NCKAP5: variants seen among roughly 807,000 people sequenced by gnomAD.
The protein encoded by NCKAP5 is nck-associated protein 5.
In NCKAP5, 92 loss-of-function variants were observed where a neutral mutation model predicts 167.0. The ratio of observed to expected loss-of-function variants is 0.55; its 90% CI spans 0.47 to 0.66. The LOEUF (loss-of-function observed/expected upper bound fraction) is 0.66. Among genes scored for constraint, NCKAP5 ranks in the 30% least tolerant of loss-of-function variants. The pLI, the probability that NCKAP5 is intolerant of heterozygous loss-of-function variation, is 0.00. For synonymous variants in NCKAP5, 891 were observed against 877.4 expected (o/e 1.02, Z -0.27); for missense variants, 2,378 against 2,315.0 (o/e 1.03, Z -0.56).
At chr2:133,656,849 G>A in the NCKAP5 span, among the ~76,000 whole-genome samples, 1 of 152,042 alleles carries the variant, frequency 6.6e-6, no homozygotes, top group South Asian at 2.1e-4. Context: ...GTGGTGATTT[G>A]TGAGATTTTG....
At chr2:133,064,153 T>C (rs78119288) in intron 6 of NCKAP5, among the ~76,000 whole-genome samples, 1 of 152,204 alleles carries the variant, frequency 6.6e-6, no homozygotes, top group Non-Finnish European at 1.5e-5. Context: ...TCACACCATC[T>C]TTGTCTTGGC....
At chr2:132,971,256 G>C (rs938143469) in intron 7 of NCKAP5, among the ~76,000 whole-genome samples, 1 of 152,104 alleles carries the variant, frequency 6.6e-6, no homozygotes, top group African/African-American at 2.4e-5. Flanking sequence ...ATGAGAGGTT[G>C]GGAGAGGTTT....
At chr2:132,920,731 A>ATGTATATATATG (rs1695293445) in intron 8 of NCKAP5, among the ~76,000 whole-genome samples, 1 of 94,164 alleles carries the variant, frequency 1.1e-5, no homozygotes, top group African/African-American at 5.3e-5. Context: ...ATATATATAT[A>ATGTATATATATG]TGTATATATA....
intron 4 of NCKAP5, among the ~76,000 whole-genome samples, chr2:133,291,431 C>A (rs959873756): frequency 6.6e-6 from 1 of 151,996 alleles, no homozygotes; most frequent in Admixed American, 6.6e-5. Flanking sequence ...GGAGATGGGG[C>A]GGGAGGAAAG....
At position 133,058,953 on chromosome 2, in the gene NCKAP5, C is replaced by T. The variant is rs536008077; in HGVS notation, c.342-64714G>A. ...TGCTCAAGTTTCAGCAACCACCAACCTGATCAATCAGCAGCCATCAACACT... is the reference window on the plus strand; with the variant it reads ...TGCTCAAGTTTCAGCAACCACCAACTTGATCAATCAGCAGCCATCAACACT... On this transcript the variant is annotated intron_variant, in intron 6 of 19. Transcript: ENST00000409261. Among the ~76,000 whole-genome samples the T allele has an allele frequency of 9.5e-4, 145 of 152,262 alleles. 3 individuals carry two copies. The South Asian group carries it at 0.029, about 30-fold the overall frequency.
chr2:133,605,849 G>C, the NCKAP5 span, among the ~76,000 whole-genome samples: 1 of 152,140 alleles, frequency 6.6e-6, no homozygotes, highest in Non-Finnish European at 1.5e-5. Flanking sequence ...GTCTTACCAA[G>C]CTGCAATGAC....
intron 3 of NCKAP5, 31 bp from the exon 4 acceptor site, chr2:133,303,141 T>C (rs1680520673): frequency 6.7e-7 from 1 of 1,495,990 alleles, no homozygotes; most frequent in Admixed American, 1.9e-5. Flanking sequence ...AGATGAAAAC[T>C]CACTATGACA....
rs114540474 is a variant in NCKAP5 at position 133,117,293 on chromosome 2, T to A, written c.341+12685A>T. On this transcript the variant is annotated intron_variant, in intron 6 of 19. Coordinates refer to ENST00000409261, the MANE Select transcript of NCKAP5 (RefSeq NM_207363.3). ...AAAATAAATGAGATAACTGTTCGAA[T>A]CTCACGTATTTCATGTTACTTTCAA... 3.1e-3 allele frequency: 470 copies of A among 152,348 alleles called. 4 individuals carry two copies. The highest frequency in any genetic ancestry group is 0.011 in the African/African-American group (445 of 41,576). 9.4% of individuals were successfully genotyped at this position (152,348 alleles called of 1,614,324 possible). A position where few individuals can be genotyped will look rare whatever the true frequency, so the allele number is the denominator to read the frequency against.
chr2:133,087,759 T>C (rs2081040492), intron 6 of NCKAP5, among the ~76,000 whole-genome samples: 1 of 152,220 alleles, frequency 6.6e-6, no homozygotes, highest in Non-Finnish European at 1.5e-5. Flanking sequence ...AGAAGATCAT[T>C]AAAACCCAGA....
intron 11 of NCKAP5, among the ~76,000 whole-genome samples, chr2:132,799,357 C>T (rs891876497): frequency 6.6e-6 from 1 of 151,992 alleles, no homozygotes; most frequent in African/African-American, 2.4e-5. Flanking sequence ...ATGCGATATA[C>T]CCACGGAACA....
intron 4 of NCKAP5, among the ~76,000 whole-genome samples, chr2:133,245,457 T>C (rs1218174589): frequency 1.3e-5 from 2 of 152,118 alleles, no homozygotes; most frequent in African/African-American, 4.8e-5. Flanking sequence ...AAAACCAATT[T>C]ATGGTAACAG....
intron 11 of NCKAP5, among the ~76,000 whole-genome samples, chr2:132,816,428 G>A (rs1052183707): frequency 3.3e-5 from 5 of 152,068 alleles, no homozygotes; most frequent in East Asian, 1.9e-4. Context: ...TGTCGGGAGC[G>A]GCTTGCTGGA....
intron 16 of NCKAP5, among the ~76,000 whole-genome samples, chr2:132,744,118 TACA>T (rs1483650893): frequency 4.6e-5 from 7 of 151,692 alleles, no homozygotes; most frequent in South Asian, 2.1e-4. Context: ...CAGTAATTAA[TACA>T]ACAAGTAGAG....
intron 7 of NCKAP5, among the ~76,000 whole-genome samples, chr2:132,980,369 C>G (rs1446492357): frequency 1.3e-5 from 2 of 152,076 alleles, no homozygotes; most frequent in Non-Finnish European, 2.9e-5. Flanking sequence ...CAGGCCACAC[C>G]CCAGACCCAT....
the NCKAP5 span, among the ~76,000 whole-genome samples, chr2:133,638,252 G>T: frequency 6.6e-6 from 1 of 152,140 alleles, no homozygotes; most frequent in Admixed American, 6.5e-5. Flanking sequence ...ATCTAATCAA[G>T]CATTTGCAGC....
chr2:132,680,469 C>A (rs1004167749), intron 19 of NCKAP5, among the ~76,000 whole-genome samples: 3 of 152,134 alleles, frequency 2.0e-5, no homozygotes, highest in African/African-American at 4.8e-5. Flanking sequence ...CCTTGAACCC[C>A]TAAACCCAGA....
chr2:132,692,108 G>T (rs1273277367), intron 19 of NCKAP5, among the ~76,000 whole-genome samples: 1 of 136,604 alleles, frequency 7.3e-6, no homozygotes, highest in Non-Finnish European at 1.6e-5. Flanking sequence ...AAGCCTGCTT[G>T]ATTTTATTTT....
the NCKAP5 span, among the ~76,000 whole-genome samples, chr2:133,578,121 C>T: frequency 6.6e-6 from 1 of 152,182 alleles, no homozygotes; most frequent in East Asian, 1.9e-4. Context: ...TTGCCTAACA[C>T]CATCTAATTG....
intron 8 of NCKAP5, among the ~76,000 whole-genome samples, chr2:132,958,299 T>C (rs2076402157): frequency 6.6e-6 from 1 of 152,190 alleles, no homozygotes. Context: ...TATGGTATGA[T>C]TATCATTCCC....
Sources: gnomAD v4.1 joint callset for allele counts (sites outside exome capture counted in the v4.1 genomes callset) on GRCh38, gnomAD v4.1.1 for gene constraint, MANE v1.5 for transcripts, NCBI Gene and HGNC (gene_info 2026-07-23, HGNC 2026-07-21) for gene names.